MRPS5: variants seen among roughly 807,000 people sequenced by gnomAD.
MRPS5 encodes the protein small ribosomal subunit protein uS5m.
Under a neutral mutation model 51.9 loss-of-function variants are expected in MRPS5, and 27 were observed. That is an observed-to-expected ratio of 0.52 (90% CI 0.38 to 0.72). The LOEUF is 0.72. MRPS5 is among the 30% of genes least tolerant of loss of function. The pLI is 0.00. For missense variants in MRPS5, 570 were observed against 545.7 expected, an observed-to-expected ratio of 1.04 and a Z score of -0.44; for synonymous variants, 196 against 193.2, an observed-to-expected ratio of 1.01 and a Z score of -0.12.
chr2:95,117,744 A>T, intron 2 of MRPS5, 121 bp downstream of exon 2: 1 of 809,494 alleles, frequency 1.2e-6, no homozygotes, highest in Non-Finnish European at 2.0e-6. Context: ...CCAGGCTAAA[A>T]AATGAAAAAA....
At chr2:95,095,172 C>A (rs532026319) in intron 10 of MRPS5, among the ~76,000 whole-genome samples, 1 of 152,134 alleles carries the variant, frequency 6.6e-6, no homozygotes, top group Non-Finnish European at 1.5e-5. Flanking sequence ...TCAACAAGAG[C>A]TAATTATCCT....
intron 2 of MRPS5, 65 bp downstream of exon 2, chr2:95,117,800 A>G: frequency 7.4e-7 from 1 of 1,343,866 alleles, no homozygotes; most frequent in East Asian, 2.4e-5. Context: ...ATATTTTTTA[A>G]AACTACAGAA....
At chr2:95,106,368 CACCCA>C in intron 6 of MRPS5, 50 bp downstream of exon 6, 1 of 1,037,930 alleles carries the variant, frequency 9.6e-7, no homozygotes, top group Non-Finnish European at 1.5e-6. Context: ...GTCCCTGCCC[CACCCA>C]CCCCAACCTC....
chr2:95,090,786 T>C (rs1233401464), intron 10 of MRPS5: 5 of 403,152 alleles, frequency 1.2e-5, no homozygotes, highest in South Asian at 6.9e-5. Context: ...AGGATTGTTA[T>C]TGAGATTAAT....
intron 5 of MRPS5, among the ~76,000 whole-genome samples, chr2:95,107,743 A>G (rs1226658486): frequency 6.6e-6 from 1 of 152,082 alleles, no homozygotes; most frequent in Non-Finnish European, 1.5e-5. Context: ...TGGCCTAAGT[A>G]TTTTCAATTT....
chr2:95,100,823 A>T lies in MRPS5; in HGVS notation c.868+14T>A, dbSNP rs754311288. 3.2e-6 allele frequency: 5 copies of T among 1,564,584 alleles called. No homozygotes were observed. The African/African-American group carries it at 6.8e-5, about 21-fold the overall frequency. ...TCCTGCAAATTAAAAAAAAAAAAATAGATTATCACTCACTTGTATGGTCTT... is the reference window on the plus strand; with the variant it reads ...TCCTGCAAATTAAAAAAAAAAAAATTGATTATCACTCACTTGTATGGTCTT... On this transcript the variant is annotated intron_variant, in intron 9 of 11. Transcript: ENST00000272418.
chr2:95,116,504 T>A (rs1676288675), intron 2 of MRPS5, among the ~76,000 whole-genome samples: 1 of 152,204 alleles, frequency 6.6e-6, no homozygotes, highest in South Asian at 2.1e-4. Context: ...AAATACACTG[T>A]TACAACCAAC....
intron 2 of MRPS5, among the ~76,000 whole-genome samples, chr2:95,115,444 A>G (rs183283955): frequency 1.3e-5 from 2 of 152,342 alleles, no homozygotes; most frequent in Admixed American, 1.3e-4. Flanking sequence ...TAAAGAAAGA[A>G]GCAGATTTGT....
At position 95,104,626 on chromosome 2, in the gene MRPS5, C is replaced by T. The variant is rs1455504221; in HGVS notation, c.763+14G>A. ...CACACCACCGCCACTGTGATGCCAT[C>T]ACTCCCCATTCACCTGCAGCTCCTT... On this transcript the variant is annotated intron_variant, in intron 7 of 11. Coordinates refer to ENST00000272418, the MANE Select transcript of MRPS5 (RefSeq NM_031902.5). 1 of 1,613,636 alleles carries T rather than the reference C, an allele frequency of 6.2e-7. No individual in the cohort carries two copies. The highest frequency in any genetic ancestry group is 8.5e-7 in the Non-Finnish European group (1 of 1,179,614).
At chr2:95,103,727 CTT>C (rs1296369940) in intron 7 of MRPS5, 1 of 152,172 alleles carries the variant, frequency 6.6e-6, no homozygotes, top group East Asian at 1.9e-4. Flanking sequence ...CAATGGAACA[CTT>C]TGCAACCAGT....
At chr2:95,108,946 C>T (rs1284666324) in intron 4 of MRPS5, among the ~76,000 whole-genome samples, 2 of 151,192 alleles carry the variant, frequency 1.3e-5, no homozygotes, top group African/African-American at 2.4e-5. Context: ...ATACATAATA[C>T]CTTTTGTATT....
chr2:95,108,511 A>C, intron 4 of MRPS5, 103 bp from the exon 5 acceptor site: 1 of 930,322 alleles, frequency 1.1e-6, no homozygotes, highest in East Asian at 2.6e-5. Flanking sequence ...CACACTGTTC[A>C]CTGGAGCTTA....
intron 11 of MRPS5, among the ~76,000 whole-genome samples, chr2:95,087,819 G>A (rs1675342259): frequency 6.6e-6 from 1 of 152,100 alleles, no homozygotes; most frequent in Non-Finnish European, 1.5e-5. Context: ...CTTGGCCTCT[G>A]GTCTCTTGCC....
intron 7 of MRPS5, chr2:95,104,242 T>A (rs1359111461): frequency 2.9e-5 from 5 of 175,260 alleles, no homozygotes; most frequent in African/African-American, 4.8e-5. Context: ...TTTTTTTTTT[T>A]AACTTAGCAT....
At chr2:95,110,917 G>A (rs1179551803) in intron 3 of MRPS5, among the ~76,000 whole-genome samples, 1 of 152,066 alleles carries the variant, frequency 6.6e-6, no homozygotes, top group Non-Finnish European at 1.5e-5. Flanking sequence ...ACAAATTCTA[G>A]AAGATAAATG....
chr2:95,112,696 C>CTT (rs1344012031), intron 3 of MRPS5, among the ~76,000 whole-genome samples: 2 of 152,152 alleles, frequency 1.3e-5, no homozygotes, highest in Non-Finnish European at 2.9e-5. Flanking sequence ...TGACTTGGAG[C>CTT]CATAAACCCA....
At chr2:95,120,853 G>C (rs576784033) in intron 1 of MRPS5, among the ~76,000 whole-genome samples, 49 of 152,280 alleles carry the variant, frequency 3.2e-4, no homozygotes, top group African/African-American at 1.2e-3. Context: ...CGGGCGTGGT[G>C]GCTCACACCT....
intron 2 of MRPS5, among the ~76,000 whole-genome samples, chr2:95,115,618 C>T (rs1676264847): frequency 2.0e-5 from 3 of 152,290 alleles, no homozygotes; most frequent in South Asian, 4.1e-4. Flanking sequence ...CACTATCCTA[C>T]TCTTCATGTT....
intron 5 of MRPS5, among the ~76,000 whole-genome samples, chr2:95,107,710 G>A (rs1277000485): frequency 6.6e-6 from 1 of 152,140 alleles, no homozygotes; most frequent in Non-Finnish European, 1.5e-5. Context: ...ACGGAGGGCT[G>A]GGGGAAACTT....
Sources: gnomAD v4.1 joint callset for allele counts (sites outside exome capture counted in the v4.1 genomes callset) on GRCh38, gnomAD v4.1.1 for gene constraint, MANE v1.5 for transcripts, NCBI Gene and HGNC (gene_info 2026-07-23, HGNC 2026-07-21) for gene names.